The following CEP290 variants were observed in gnomAD, a reference collection of about 807,000 sequenced individuals.
The protein encoded by CEP290 is centrosomal protein of 290 kDa.
CEP290 carries 317 observed loss-of-function variants against 344.9 expected under a neutral mutation model. The observed-to-expected ratio is 0.92, with a 90% CI of 0.84 to 1.01. The LOEUF (loss-of-function observed/expected upper bound fraction) is 1.01, where lower values mean the gene tolerates loss of function less well. Ranked by LOEUF, CEP290 falls within the 50% of genes least tolerant of loss-of-function variation. CEP290 has a pLI of 0.00. For synonymous variants in CEP290, 932 were observed against 895.8 expected (o/e 1.04, Z -0.72); for missense variants, 2,754 against 2,761.4 (o/e 1.00, Z 0.06).
In CEP290 at chr12:88,115,449, T is replaced by A. The variant is rs751034122; in HGVS notation, c.1825-267A>T. On this transcript the variant is annotated intron_variant, in intron 18 of 53. Transcript: ENST00000552810. ...GTTTTTGTCTTTAGTACCACAATCA[T>A]CTCTTTTAATGTTCTGCCTTTACAC... is the stretch of plus-strand genomic sequence containing the variant. 45 of 1,272,702 alleles carry A rather than the reference T, an allele frequency of 3.5e-5. No individual in the cohort carries two copies. In the South Asian group the frequency reaches 5.4e-4, roughly 15 times the overall value. 78.8% of individuals were successfully genotyped at this position (1,272,702 alleles called of 1,614,324 possible).
chr12:88,095,480 A>G (rs1179871679), intron 27 of CEP290, among the ~76,000 whole-genome samples: 3 of 152,202 alleles, frequency 2.0e-5, no homozygotes, highest in Admixed American at 2.0e-4. Context: ...TATTAAAAAT[A>G]AAGATGATAA....
At chr12:88,067,988 T>A (rs1326875949) in intron 44 of CEP290, among the ~76,000 whole-genome samples, 3 of 152,202 alleles carry the variant, frequency 2.0e-5, no homozygotes, top group African/African-American at 7.2e-5. Context: ...CATGCCCTTG[T>A]ATTTATTAAT....
intron 15 of CEP290, among the ~76,000 whole-genome samples, chr12:88,119,599 GA>G (rs1360529243): frequency 1.3e-5 from 2 of 152,144 alleles, no homozygotes; most frequent in Non-Finnish European, 2.9e-5. Flanking sequence ...AGGAGTTGGA[GA>G]CCAGCCTAGC....
Position 88,068,656 on chromosome 12 carries a change from C to G in CEP290, c.6012-11G>C. The G allele has an allele frequency of 6.3e-7, 1 of 1,587,322 alleles. No individual in the cohort carries two copies. The highest frequency in any genetic ancestry group is 8.5e-7 in the Non-Finnish European group (1 of 1,171,292). ...AGAGCTTGGTGGGCCCTATGAACAA[C>G]AATCACAGACTCTTTACTATTCACA... On this transcript the variant is annotated splice_polypyrimidine_tract_variant and intron_variant, in intron 43 of 53. Coordinates refer to ENST00000552810, the MANE Select transcript of CEP290 (RefSeq NM_025114.4).
chr12:88,141,181 C>T, intron 2 of CEP290, 25 bp downstream of exon 2: 1 of 1,472,656 alleles, frequency 6.8e-7, no homozygotes, highest in Non-Finnish European at 9.3e-7. Context: ...ATGTATATAT[C>T]TATTATTATT....
intron 46 of CEP290, among the ~76,000 whole-genome samples, chr12:88,061,594 CTTAAT>C (rs2034485407): frequency 6.6e-6 from 1 of 151,984 alleles, no homozygotes; most frequent in African/African-American, 2.4e-5. Context: ...AAACAGTATG[CTTAAT>C]TTCTTTTTGC....
At chr12:88,122,701 A>G (rs2137951168) in intron 13 of CEP290, among the ~76,000 whole-genome samples, 1 of 152,286 alleles carries the variant, frequency 6.6e-6, no homozygotes, top group Non-Finnish European at 1.5e-5. Context: ...AGTAATTAGA[A>G]TACGCACAAT....
At position 88,092,058 on chromosome 12, in the gene CEP290, A is replaced by G. The variant is rs143795913; in HGVS notation, c.3461+623T>C. The stretch of plus-strand genomic sequence containing the variant: ...CTCCCGAGTAGCTGGGGCTACAGGC[A>G]CATGTCACCACGCCCAGCCAGCACG... On this transcript the variant is annotated intron_variant, in intron 29 of 53. Coordinates refer to ENST00000552810, the MANE Select transcript of CEP290 (RefSeq NM_025114.4). Among the ~76,000 whole-genome samples, 1,139 of 152,208 alleles carry G rather than the reference A, an allele frequency of 7.5e-3. 19 individuals are homozygous for G. The highest frequency in any genetic ancestry group is 0.026 in the African/African-American group (1,094 of 41,538).
chr12:88,083,123 G>C lies in CEP290; in HGVS notation c.4920C>G (p.Leu1640=), dbSNP rs1330745435. Residue 1640 remains leucine (L), a synonymous_variant, in exon 37 of 54, where the codon CTC becomes CTG. Transcript: ENST00000552810. The part of the protein sequence containing the change: ...VAEQDDSLSS[L]LVKLKKVSQD... Reference sequence around the variant, plus strand: ...GTGATACTTTCTTTAGTTTGACCAAGAGTGAGGAAAGAGAGTCATCTTGTT... The same window carrying C: ...GTGATACTTTCTTTAGTTTGACCAACAGTGAGGAAAGAGAGTCATCTTGTT... 9 of 1,548,706 alleles carry C rather than the reference G, an allele frequency of 5.8e-6. No homozygotes were observed. In the East Asian group the frequency reaches 1.2e-4, roughly 21 times the overall value.
intron 37 of CEP290, among the ~76,000 whole-genome samples, chr12:88,081,917 G>A (rs1288676353): frequency 6.6e-6 from 1 of 152,172 alleles, no homozygotes; most frequent in Non-Finnish European, 1.5e-5. Flanking sequence ...GTGAGGAAAA[G>A]AGACTGAAAA....
chr12:88,068,612 T>C lies in CEP290; in HGVS notation c.6045A>G (p.Val2015=). The part of the protein sequence containing the change: ...AHQALPRDSV[V]EDLHLQNRYL... ...ATCTATTTTGTAAATGTAAATCTTC[T>C]ACAACAGAATCTCGAGGAAGAGCTT... The change falls in exon 44 of 54, where the codon GTA becomes GTG. Residue 2015 remains valine (V), a synonymous_variant. Coordinates refer to ENST00000552810, the MANE Select transcript of CEP290 (RefSeq NM_025114.4). The C allele has an allele frequency of 6.3e-7, 1 of 1,594,698 alleles. No individual in the cohort carries two copies. The highest frequency in any genetic ancestry group is 8.5e-7 in the Non-Finnish European group (1 of 1,173,730).
chr12:88,050,250 A>C (rs369395574), intron 53 of CEP290, 104 bp downstream of exon 53: 155 of 635,040 alleles, frequency 2.4e-4, no homozygotes, highest in Middle Eastern at 2.1e-3. Flanking sequence ...CAAATATAAG[A>C]TGTTATTACT....
intron 3 of CEP290, 22 bp from the exon 4 acceptor site, chr12:88,139,586 T>C (rs775976009): frequency 8.5e-6 from 13 of 1,522,822 alleles, no homozygotes; most frequent in Admixed American, 3.9e-5. Context: ...AAAAAGGTTA[T>C]TTCAATATGC....
chr12:88,115,766 CT>C (rs2039001969), intron 18 of CEP290: 2 of 975,170 alleles, frequency 2.1e-6, no homozygotes, highest in African/African-American at 3.5e-5. Context: ...AAAAACTCAC[CT>C]GAGATCTAAG....
chr12:88,054,725 G>A (rs984588107), intron 50 of CEP290, among the ~76,000 whole-genome samples: 1 of 152,106 alleles, frequency 6.6e-6, no homozygotes, highest in Non-Finnish European at 1.5e-5. Flanking sequence ...GTGCCAGATG[G>A]TAGGAAGAGC....
intron 20 of CEP290, among the ~76,000 whole-genome samples, 165 bp downstream of exon 20, chr12:88,114,255 A>C (rs1266768399): frequency 1.3e-5 from 2 of 152,164 alleles, no homozygotes; most frequent in Non-Finnish European, 1.5e-5. Flanking sequence ...AATTGGTAGA[A>C]GAAAAGTATT....
Position 88,109,097 on chromosome 12 carries a change from G to T in CEP290, c.2452C>A (p.Gln818Lys). 2 of 1,435,482 alleles carry T rather than the reference G, an allele frequency of 1.4e-6. No individual in the cohort carries two copies. The highest frequency in any genetic ancestry group is 9.4e-7 in the Non-Finnish European group (1 of 1,068,210). The allele number at this position is 1,435,482 out of a possible 1,614,324, so 88.9% of individuals were successfully genotyped here. A position where few individuals can be genotyped will look rare whatever the true frequency, so the allele number is the denominator to read the frequency against. Reference sequence around the variant, plus strand: ...TATTCTTTATACAACAAACTTTGTTGATGACGAATTACAGCAAATTTTCTG... The same window carrying T: ...TATTCTTTATACAACAAACTTTGTTTATGACGAATTACAGCAAATTTTCTG... ...YNRKFAVIRH[Q>K]QSLLYKEYLS... Residue 818 changes from glutamine to lysine, a missense_variant, in exon 23 of 54, where the codon CAA becomes AAA. Transcript: ENST00000552810.
At chr12:88,094,079 CACAT>C in intron 27 of CEP290, 104 bp from the exon 28 acceptor site, 3 of 878,900 alleles carry the variant, frequency 3.4e-6, no homozygotes, top group Non-Finnish European at 5.0e-6. Flanking sequence ...CCATGGAAAG[CACAT>C]TAGCTTTCTG....
intron 13 of CEP290, among the ~76,000 whole-genome samples, chr12:88,124,583 T>C (rs2039617213): frequency 6.6e-6 from 1 of 151,508 alleles, no homozygotes; most frequent in Non-Finnish European, 1.5e-5. Context: ...TATGTGTATA[T>C]ATGTATATAT....
Sources: gnomAD v4.1 joint callset for allele counts (sites outside exome capture counted in the v4.1 genomes callset) on GRCh38, gnomAD v4.1.1 for gene constraint, MANE v1.5 for transcripts, NCBI Gene and HGNC (gene_info 2026-07-23, HGNC 2026-07-21) for gene names.